ZMAT4: variants seen among roughly 807,000 people sequenced by gnomAD.
The protein encoded by ZMAT4 is zinc finger matrin-type 4, also known as zinc finger matrin-type protein 4.
Under a neutral mutation model 28.7 loss-of-function variants are expected in ZMAT4, and 17 were observed. That is an observed-to-expected ratio of 0.59 (90% CI 0.41 to 0.89). The LOEUF (loss-of-function observed/expected upper bound fraction) is 0.89. Ranked by LOEUF, ZMAT4 falls within the 40% of genes least tolerant of loss-of-function variation. ZMAT4 has a pLI of 0.00. For missense variants in ZMAT4, 240 were observed against 283.8 expected (o/e 0.85, Z 1.11); for synonymous variants, 117 against 109.2 (o/e 1.07, Z -0.44).
At chr8:40,785,467 G>A (rs1814034120) in intron 2 of ZMAT4, among the ~76,000 whole-genome samples, 1 of 152,200 alleles carries the variant, frequency 6.6e-6, no homozygotes, top group African/African-American at 2.4e-5. Flanking sequence ...GGTTTGAAAT[G>A]ATTACCTCTG....
At chr8:40,549,258 C>T (rs911545895) in intron 6 of ZMAT4, among the ~76,000 whole-genome samples, 3 of 152,046 alleles carry the variant, frequency 2.0e-5, no homozygotes, top group African/African-American at 7.2e-5. Flanking sequence ...TATAAATTAC[C>T]CAGTCTGAGG....
intron 2 of ZMAT4, among the ~76,000 whole-genome samples, chr8:40,779,190 C>T (rs989082016): frequency 6.6e-6 from 1 of 152,050 alleles, no homozygotes; most frequent in East Asian, 1.9e-4. Context: ...TAAGTGGAAA[C>T]CTCTCTTGCT....
At chr8:40,828,798 T>C (rs1045048259) in intron 1 of ZMAT4, among the ~76,000 whole-genome samples, 16 of 152,178 alleles carry the variant, frequency 1.1e-4, no homozygotes, top group African/African-American at 3.9e-4. Context: ...GCAGTCCATG[T>C]AGGTCACTTT....
chr8:40,533,729 A>G (rs117508232), intron 6 of ZMAT4, among the ~76,000 whole-genome samples: 153 of 152,374 alleles, frequency 1.0e-3, no homozygotes, highest in Non-Finnish European at 1.9e-3. Flanking sequence ...AATAGCTTTG[A>G]AATGTTTGAA....
intron 6 of ZMAT4, 98 bp from the exon 7 acceptor site, chr8:40,532,336 A>C: frequency 2.0e-6 from 2 of 996,282 alleles, no homozygotes; most frequent in Non-Finnish European, 2.9e-6. Context: ...TCTACTTCTC[A>C]TATTACCTTA....
chr8:40,755,519 C>T (rs1462671711), intron 3 of ZMAT4, among the ~76,000 whole-genome samples: 3 of 152,158 alleles, frequency 2.0e-5, no homozygotes, highest in African/African-American at 7.2e-5. Context: ...ATGGCCCGAT[C>T]TCGGCTCACT....
intron 5 of ZMAT4, among the ~76,000 whole-genome samples, chr8:40,639,771 T>TACAC (rs10676366): frequency 0.13 from 19,093 of 146,054 alleles, 1,340 homozygotes; most frequent in Admixed American, 0.23. Context: ...GTCCTTTTGT[T>TACAC]ACACACACAC....
intron 5 of ZMAT4, among the ~76,000 whole-genome samples, chr8:40,621,300 G>A (rs1448161417): frequency 6.6e-6 from 1 of 152,164 alleles, no homozygotes; most frequent in Admixed American, 6.6e-5. Context: ...GAAATACTTA[G>A]GTGAGACCAG....
chr8:40,750,995 C>A (rs907878041), intron 3 of ZMAT4, among the ~76,000 whole-genome samples: 7 of 152,212 alleles, frequency 4.6e-5, no homozygotes, highest in African/African-American at 1.7e-4. Context: ...AAAGACACTG[C>A]TAAAGGATGT....
intron 1 of ZMAT4, among the ~76,000 whole-genome samples, chr8:40,876,814 G>A (rs1260704352): frequency 6.6e-6 from 1 of 152,140 alleles, no homozygotes. Flanking sequence ...ACTGTGCAAG[G>A]GGTTGGCACC....
chr8:40,608,878 G>C (rs1248953896), intron 5 of ZMAT4, among the ~76,000 whole-genome samples: 1 of 152,190 alleles, frequency 6.6e-6, no homozygotes, highest in East Asian at 1.9e-4. Flanking sequence ...TGTGTGTTCA[G>C]GGGCAGACTT....
intron 2 of ZMAT4, among the ~76,000 whole-genome samples, chr8:40,773,463 G>T (rs1813466424): frequency 6.6e-6 from 1 of 151,916 alleles, no homozygotes; most frequent in South Asian, 2.1e-4. Context: ...GGGAAACATG[G>T]CTGGCTTTAA....
intron 1 of ZMAT4, among the ~76,000 whole-genome samples, chr8:40,854,800 G>A (rs369886836): frequency 6.6e-6 from 1 of 152,080 alleles, no homozygotes; most frequent in Admixed American, 6.6e-5. Context: ...CCTGGGTACT[G>A]GTAGTGGTCA....
chr8:40,880,095 T>C (rs1586212693), intron 1 of ZMAT4, among the ~76,000 whole-genome samples: 1 of 152,142 alleles, frequency 6.6e-6, no homozygotes, highest in South Asian at 2.1e-4. Context: ...CGGCCAGGCA[T>C]GGTGGCCCAC....
chr8:40,805,917 T>C (rs1048290851), intron 2 of ZMAT4, among the ~76,000 whole-genome samples: 5 of 151,868 alleles, frequency 3.3e-5, no homozygotes, highest in Non-Finnish European at 7.4e-5. Context: ...TGCGCACATG[T>C]ACCCTAAAAC....
chr8:40,641,407 A>G (rs1807021076), intron 5 of ZMAT4, among the ~76,000 whole-genome samples: 1 of 152,226 alleles, frequency 6.6e-6, no homozygotes, highest in South Asian at 2.1e-4. Context: ...GACAAATGGG[A>G]ATGAAAGAAA....
At chr8:40,648,487 T>G (rs569217833) in intron 5 of ZMAT4, among the ~76,000 whole-genome samples, 99 of 151,248 alleles carry the variant, frequency 6.5e-4, no homozygotes, top group Non-Finnish European at 1.2e-3. Flanking sequence ...GGAACCAAGT[T>G]GGAAAACACG....
intron 5 of ZMAT4, among the ~76,000 whole-genome samples, chr8:40,601,393 G>GAGGA (rs1423304556): frequency 1.5e-5 from 2 of 130,228 alleles, no homozygotes; most frequent in East Asian, 2.2e-4. Context: ...AGGAAGGAAG[G>GAGGA]AAGGAGGAAA....
chr8:40,864,204 C>T (rs950354423), intron 1 of ZMAT4, among the ~76,000 whole-genome samples: 1 of 152,228 alleles, frequency 6.6e-6, no homozygotes, highest in Admixed American at 6.5e-5. Context: ...AAGGCATTTG[C>T]CAATCTGCCT....
Sources: allele counts gnomAD v4.1 joint callset (sites outside exome capture counted in the v4.1 genomes callset), GRCh38; gene constraint gnomAD v4.1.1; transcripts MANE v1.5; gene names NCBI Gene and HGNC (gene_info 2026-07-23, HGNC 2026-07-21).